RSL1D1: variants seen among roughly 807,000 people sequenced by gnomAD.
RSL1D1 encodes ribosomal L1 domain-containing protein 1.
A neutral mutation model predicts 44.6 loss-of-function variants in RSL1D1; 34 were observed. That is an observed-to-expected ratio of 0.76 (90% CI 0.58 to 1.02). The LOEUF (loss-of-function observed/expected upper bound fraction) is 1.02. Among genes scored for constraint, RSL1D1 ranks in the 50% least tolerant of loss-of-function variants. The pLI, the probability that RSL1D1 is intolerant of heterozygous loss-of-function variation, is 0.00. For synonymous variants in RSL1D1, 271 were observed against 207.4 expected (o/e 1.31, Z -2.63); for missense variants, 767 against 568.1 (o/e 1.35, Z -3.56).
rs1386248172 is a variant in RSL1D1 at position 11,839,759 on chromosome 16, G to C, written c.1082C>G (p.Ser361Cys). 1 of 1,614,068 alleles carries C rather than the reference G, an allele frequency of 6.2e-7. No individual in the cohort carries two copies. Among genetic ancestry groups the C allele is most frequent in the East Asian group, 2.2e-5 (1 of 44,878 alleles). Residue 361 changes from serine to cysteine, a missense_variant, in exon 8 of 9, where the codon TCC (serine) becomes TGC (cysteine). Transcript: ENST00000571133. ...GKAQVKATNE[S>C]EDEIPQLVPI... ...TACCAGCTGTGGGATTTCGTCTTCGGATTCATTTGTTGCTTTAACTTGGGC... is the reference window on the plus strand; with the variant it reads ...TACCAGCTGTGGGATTTCGTCTTCGCATTCATTTGTTGCTTTAACTTGGGC...
At chr16:11,841,651 C>T (rs781347233) in intron 7 of RSL1D1, 44 bp downstream of exon 7, 95 of 1,558,556 alleles carry the variant, frequency 6.1e-5, no homozygotes, top group Middle Eastern at 3.6e-4. Context: ...ACTGAATTTA[C>T]ACCCTTCATT....
chr16:11,836,241 C>T lies in RSL1D1; in HGVS notation c.*1546G>A, dbSNP rs760635736. ...CCATCCCGATGGTCTGCTGGTCCTACTTCTCTCTCAAACTGTCTTTTTCTC... is the reference window on the plus strand; with the variant it reads ...CCATCCCGATGGTCTGCTGGTCCTATTTCTCTCTCAAACTGTCTTTTTCTC... On this transcript the variant is annotated 3_prime_UTR_variant, in exon 9 of 9. Coordinates refer to ENST00000571133, the MANE Select transcript of RSL1D1 (RefSeq NM_015659.3). 6.6e-6 allele frequency: 1 copy of T among 152,192 alleles called. No individual in the cohort carries two copies. Among genetic ancestry groups the T allele is most frequent in the African/African-American group, 2.4e-5 (1 of 41,446 alleles). 9.4% of individuals were successfully genotyped at this position (152,192 alleles called of 1,614,324 possible).
Position 11,834,188 on chromosome 16 carries a change from T to A in RSL1D1, c.*3599A>T, listed in dbSNP as rs565567672. ...GAAGCCTTGGAAACATAGTACAGAA[T>A]GTACCCATTTTAGGATGATTCAACT... On this transcript the variant is annotated 3_prime_UTR_variant, in exon 9 of 9. Coordinates refer to ENST00000571133, the MANE Select transcript of RSL1D1 (RefSeq NM_015659.3). 2 of 152,236 alleles carry A rather than the reference T, an allele frequency of 1.3e-5. No homozygotes were observed. The highest frequency in any genetic ancestry group is 2.9e-5 in the Non-Finnish European group (2 of 68,040). The allele number at this position is 152,236 out of a possible 1,614,324, so 9.4% of individuals were successfully genotyped here.
In RSL1D1 at chr16:11,837,900, T is replaced by C; in HGVS notation, c.1360A>G (p.Thr454Ala). The change falls in exon 9 of 9, where the codon ACT (threonine) becomes GCT (alanine). Residue 454 changes from threonine to alanine, a missense_variant. Transcript: ENST00000571133. ...PSLGKKDARQ[T>A]PKKPEAKFFT... ...AACTTGGCCTCTGGCTTTTTTGGAG[T>C]CTGTCTCGCATCTTTTTTCCCCAGC... The C allele has an allele frequency of 3.1e-6, 5 of 1,613,998 alleles. No individual in the cohort carries two copies. Among genetic ancestry groups the C allele is most frequent in the Non-Finnish European group, 4.2e-6 (5 of 1,180,008 alleles).
intron 2 of RSL1D1, 122 bp downstream of exon 2, chr16:11,850,157 C>A (rs950880769): frequency 5.2e-6 from 5 of 969,356 alleles, no homozygotes; most frequent in East Asian, 2.9e-5. Flanking sequence ...AGTTGTTTTA[C>A]TTCACGTCAG....
chr16:11,840,257 TG>T (rs1385151596), intron 7 of RSL1D1, among the ~76,000 whole-genome samples: 1 of 152,198 alleles, frequency 6.6e-6, no homozygotes, highest in Middle Eastern at 3.2e-3. Flanking sequence ...AAACACAGTA[TG>T]GTTTAGAGTG....
chr16:11,836,004 C>T lies in RSL1D1; in HGVS notation c.*1783G>A, dbSNP rs1435337311. 6.6e-6 allele frequency: 1 copy of T among 152,160 alleles called. No individual in the cohort carries two copies. The highest frequency in any genetic ancestry group is 1.5e-5 in the Non-Finnish European group (1 of 68,050). The allele number at this position is 152,160 out of a possible 1,614,324, so 9.4% of individuals were successfully genotyped here. ...TCTGGAATGTCTAGACTTGCTGGCT[C>T]CTTGCTCTCCCAGGATCGACTGTAA... is the stretch of plus-strand genomic sequence containing the variant. On this transcript the variant is annotated 3_prime_UTR_variant, in exon 9 of 9. Transcript: ENST00000571133.
chr16:11,851,144 G>C (rs2053834497), intron 1 of RSL1D1: 2 of 528,592 alleles, frequency 3.8e-6, no homozygotes, highest in Non-Finnish European at 6.9e-6. Flanking sequence ...TGATAGGGAA[G>C]CTAAGCCAGG....
intron 8 of RSL1D1, 63 bp from the exon 9 acceptor site, chr16:11,838,176 G>GGA (rs989160812): frequency 6.3e-6 from 8 of 1,267,270 alleles, no homozygotes; most frequent in South Asian, 6.0e-5. Context: ...TCTAACTCCA[G>GGA]GAGTTACTGT....
At chr16:11,851,341 G>C in intron 1 of RSL1D1, 67 bp downstream of exon 1, 3 of 1,476,582 alleles carry the variant, frequency 2.0e-6, no homozygotes, top group Non-Finnish European at 2.8e-6. Flanking sequence ...CTCGGGTTCC[G>C]GCACCCTGCG....
Position 11,851,458 on chromosome 16 carries a change from T to C in RSL1D1, c.55A>G (p.Thr19Ala), listed in dbSNP as rs376117132. ...LSSAAATGTS[T>A]STPAAPTARK... The stretch of plus-strand genomic sequence containing the variant: ...GCTGTCGGGGCCGCTGGAGTCGAGG[T>C]GGAGGTTCCAGTAGCGGCTGCAGAA... The change falls in exon 1 of 9, where the codon ACC becomes GCC. Residue 19 changes from threonine (T) to alanine (A), a missense_variant. Physicochemically the swap from Thr to Ala is moderately conservative, Grantham distance 58. Coordinates refer to ENST00000571133, the MANE Select transcript of RSL1D1 (RefSeq NM_015659.3). 3.0e-5 allele frequency: 48 copies of C among 1,613,894 alleles called. No homozygotes were observed. Among genetic ancestry groups the C allele is most frequent in the Non-Finnish European group, 3.7e-5 (44 of 1,179,974 alleles).
rs910258043 is a variant in RSL1D1 at position 11,836,713 on chromosome 16, A to G, written c.*1074T>C. 6.6e-6 allele frequency: 1 copy of G among 152,192 alleles called. No homozygotes were observed. The allele number at this position is 152,192 out of a possible 1,614,324, so 9.4% of individuals were successfully genotyped here. A position where few individuals can be genotyped will look rare whatever the true frequency, so the allele number is the denominator to read the frequency against. On this transcript the variant is annotated 3_prime_UTR_variant, in exon 9 of 9. Coordinates refer to ENST00000571133, the MANE Select transcript of RSL1D1 (RefSeq NM_015659.3). ...ACTCCATGTTAATTTCCCTTCCCAT[A>G]TGGATGCTAATCCAGTGACTCATAA...
At chr16:11,848,078 C>T (rs193052243) in intron 2 of RSL1D1, among the ~76,000 whole-genome samples, 1 of 152,168 alleles carries the variant, frequency 6.6e-6, no homozygotes, top group Admixed American at 6.6e-5. Context: ...ATGGTGAAAC[C>T]CTGTTTCTAC....
At chr16:11,842,091 C>A (rs887386316) in intron 5 of RSL1D1, 91 bp from the exon 6 acceptor site, 23 of 916,718 alleles carry the variant, frequency 2.5e-5, no homozygotes, top group Admixed American at 3.0e-5. Context: ...ATACATAATC[C>A]TCAAGTTTTT....
chr16:11,851,355 C>G (rs2053836184), intron 1 of RSL1D1, 53 bp downstream of exon 1: 2 of 1,552,242 alleles, frequency 1.3e-6, no homozygotes, highest in Admixed American at 1.7e-5. Flanking sequence ...CCCTGCGCCT[C>G]ACGAGGTAAC....
At chr16:11,848,400 T>C (rs2053813813) in intron 2 of RSL1D1, among the ~76,000 whole-genome samples, 1 of 152,242 alleles carries the variant, frequency 6.6e-6, no homozygotes, top group African/African-American at 2.4e-5. Flanking sequence ...ATAATTATTA[T>C]ACATATGTTG....
chr16:11,836,555 A>G lies in RSL1D1; in HGVS notation c.*1232T>C, dbSNP rs1355403755. ...AACGTTAGCAATCTACTCTTCCAAG[A>G]TTCCTTGGAGTTGTCATACATAAGC... On this transcript the variant is annotated 3_prime_UTR_variant, in exon 9 of 9. Coordinates refer to ENST00000571133, the MANE Select transcript of RSL1D1 (RefSeq NM_015659.3). 7 of 152,240 alleles carry G rather than the reference A, an allele frequency of 4.6e-5. No homozygotes were observed. Among genetic ancestry groups the G allele is most frequent in the Non-Finnish European group, 2.9e-5 (2 of 68,046 alleles). The allele number at this position is 152,240 out of a possible 1,614,324, so 9.4% of individuals were successfully genotyped here. A position where few individuals can be genotyped will look rare whatever the true frequency, so the allele number is the denominator to read the frequency against.
intron 3 of RSL1D1, 24 bp downstream of exon 3, chr16:11,847,644 G>A (rs760249572): frequency 1.9e-6 from 3 of 1,583,252 alleles, no homozygotes; most frequent in East Asian, 2.2e-5. Context: ...TAAATAACTT[G>A]AAAATATTAA....
chr16:11,850,990 T>C (rs1567422633), intron 1 of RSL1D1: 2 of 251,836 alleles, frequency 7.9e-6, no homozygotes, highest in Non-Finnish European at 7.9e-6. Flanking sequence ...GCGCCCGGCC[T>C]ACTGAGCACC....
Sources: allele counts gnomAD v4.1 joint callset (sites outside exome capture counted in the v4.1 genomes callset), GRCh38; gene constraint gnomAD v4.1.1; transcripts MANE v1.5; gene names NCBI Gene and HGNC (gene_info 2026-07-23, HGNC 2026-07-21).